Variants in DNAH9 observed in about 807,000 individuals in gnomAD.
DNAH9 encodes the protein DNAH9 variant protein.
A neutral mutation model predicts 471.6 loss-of-function variants in DNAH9; 345 were observed. The observed-to-expected ratio is 0.73, with a 90% CI of 0.67 to 0.80. The LOEUF is 0.80. Among genes scored for constraint, DNAH9 ranks in the 30% least tolerant of loss-of-function variants. The pLI, the probability that DNAH9 is intolerant of heterozygous loss-of-function variation, is 0.00. For synonymous variants in DNAH9, 2,093 were observed against 2,123.6 expected (o/e 0.99, Z 0.40); for missense variants, 5,407 against 5,609.2 (o/e 0.96, Z 1.15).
Position 11,763,542 on chromosome 17 carries a change from T to G in DNAH9, c.7098T>G (p.Pro2366=), listed in dbSNP as rs750761563. Residue 2366 remains proline (P), a synonymous_variant, in exon 36 of 69, where the codon CCT becomes CCG. Coordinates refer to ENST00000262442, the MANE Select transcript of DNAH9 (RefSeq NM_001372.4). The part of the protein sequence containing the change: ...LTTEDIPADC[P]KEIYEHYFVF... ...CGGAGGACATCCCTGCAGACTGCCCTAAGGAAATTTATGAGCATTATTTTG... is the reference window on the plus strand; with the variant it reads ...CGGAGGACATCCCTGCAGACTGCCCGAAGGAAATTTATGAGCATTATTTTG... The G allele has an allele frequency of 6.2e-7, 1 of 1,614,136 alleles. No individual in the cohort carries two copies. Among genetic ancestry groups the G allele is most frequent in the Admixed American group, 1.7e-5 (1 of 60,024 alleles).
chr17:11,599,026 G>T, intron 1 of DNAH9, 111 bp downstream of exon 1: 1 of 935,504 alleles, frequency 1.1e-6, no homozygotes, highest in Non-Finnish European at 1.5e-6. Context: ...TGCAGGGGAG[G>T]TCCAAGAGGC....
chr17:11,826,644 A>G (rs982699820), intron 48 of DNAH9, among the ~76,000 whole-genome samples: 2 of 148,450 alleles, frequency 1.3e-5, no homozygotes, highest in African/African-American at 5.0e-5. Flanking sequence ...TTGTATGTTT[A>G]ATGGAGACGG....
intron 20 of DNAH9, 98 bp downstream of exon 20, chr17:11,690,534 C>A: frequency 8.5e-7 from 1 of 1,183,414 alleles, no homozygotes; most frequent in Non-Finnish European, 1.2e-6. Flanking sequence ...TCCTTTTCTG[C>A]CTCCTTGCTT....
intron 48 of DNAH9, among the ~76,000 whole-genome samples, chr17:11,824,702 A>C (rs1400124012): frequency 6.6e-6 from 1 of 152,164 alleles, no homozygotes; most frequent in Non-Finnish European, 1.5e-5. Context: ...ATTTCCTAAC[A>C]ACCCTTTCGC....
chr17:11,860,217 C>A (rs1041710281), intron 50 of DNAH9, among the ~76,000 whole-genome samples: 2 of 152,196 alleles, frequency 1.3e-5, no homozygotes, highest in Admixed American at 1.3e-4. Context: ...CACCCCCACT[C>A]CCCAGAGTTT....
At chr17:11,816,252 A>C (rs1471707740) in intron 45 of DNAH9, among the ~76,000 whole-genome samples, 1 of 152,044 alleles carries the variant, frequency 6.6e-6, no homozygotes, top group Non-Finnish European at 1.5e-5. Context: ...CCAGAAATAC[A>C]AAAAAAAGAA....
chr17:11,752,952 G>T lies in DNAH9; in HGVS notation c.6730G>T (p.Asp2244Tyr). 6.3e-7 allele frequency: 1 copy of T among 1,586,146 alleles called. No individual in the cohort carries two copies. The highest frequency in any genetic ancestry group is 1.2e-5 in the South Asian group (1 of 86,670). The change falls in exon 33 of 69, where the codon GAT becomes TAT. Residue 2244 changes from aspartate (D) to tyrosine (Y), a missense_variant. Coordinates refer to ENST00000262442, the MANE Select transcript of DNAH9 (RefSeq NM_001372.4). ...WIESLNTVMD[D>Y]NKVLTLASNE... ...TGAATCCCTGAATACTGTCATGGAT[G>T]ATAACAAGGTATGAAATTGGGGGAT...
At chr17:11,933,563 A>G (rs1974591328) in intron 64 of DNAH9, among the ~76,000 whole-genome samples, 1 of 151,742 alleles carries the variant, frequency 6.6e-6, no homozygotes, top group Non-Finnish European at 1.5e-5. Flanking sequence ...TATTTTTAGT[A>G]GCGATGGGGT....
At chr17:11,699,056 C>A (rs2074544758) in intron 22 of DNAH9, among the ~76,000 whole-genome samples, 1 of 152,040 alleles carries the variant, frequency 6.6e-6, no homozygotes, top group Admixed American at 6.6e-5. Context: ...CAAGACCATC[C>A]TGACTAACAT....
chr17:11,738,721 G>A (rs2075389873), intron 28 of DNAH9, among the ~76,000 whole-genome samples, 159 bp from the exon 29 acceptor site: 1 of 152,284 alleles, frequency 6.6e-6, no homozygotes, highest in South Asian at 2.1e-4. Context: ...GGGCCTGTCA[G>A]TAAAGGGTCT....
chr17:11,920,349 A>G (rs1373055254), intron 61 of DNAH9, among the ~76,000 whole-genome samples: 2 of 151,628 alleles, frequency 1.3e-5, no homozygotes, highest in Non-Finnish European at 2.9e-5. Context: ...GGTTGGGCAC[A>G]GTGGCTCATG....
intron 53 of DNAH9, among the ~76,000 whole-genome samples, chr17:11,877,120 T>C (rs1053505557): frequency 2.6e-5 from 4 of 151,816 alleles, no homozygotes; most frequent in Admixed American, 2.6e-4. Context: ...CGGCACACAA[T>C]ATATGTTACA....
intron 50 of DNAH9, among the ~76,000 whole-genome samples, chr17:11,868,367 A>T (rs1972136606): frequency 6.6e-6 from 1 of 152,170 alleles, no homozygotes; most frequent in African/African-American, 2.4e-5. Context: ...CCTGAGATGT[A>T]TTTGGAGGTA....
At position 11,689,694 on chromosome 17, in the gene DNAH9, A is replaced by C; in HGVS notation, c.3872A>C (p.Gln1291Pro). The stretch of plus-strand genomic sequence containing the variant: ...GAAGTCAATGTCCCTGACTATAAGC[A>C]GCTGAGGCAGTGCAGGAAGGAGGTC... Reference protein sequence around the residue: ...LFEVNVPDYKQLRQCRKEVCQ... With the variant: ...LFEVNVPDYKPLRQCRKEVCQ... Residue 1291 changes from glutamine (Q) to proline (P), a missense_variant, in exon 20 of 69, where the codon CAG becomes CCG. Gln to Pro is a moderately conservative substitution (Grantham distance 76). Transcript: ENST00000262442. 6.2e-7 allele frequency: 1 copy of C among 1,614,210 alleles called. No homozygotes were observed.
chr17:11,965,172 C>T (rs958234938), intron 68 of DNAH9, among the ~76,000 whole-genome samples: 6 of 152,320 alleles, frequency 3.9e-5, no homozygotes, highest in African/African-American at 1.4e-4. Context: ...CACCCATCCA[C>T]AGCTGTGGAC....
intron 27 of DNAH9, chr17:11,723,367 T>G (rs2075095351): frequency 6.6e-6 from 1 of 152,232 alleles, no homozygotes; most frequent in African/African-American, 2.4e-5. Context: ...AGCACCCTTC[T>G]CACTTCCAGG....
chr17:11,916,381 G>C (rs1227547071), intron 61 of DNAH9, among the ~76,000 whole-genome samples: 6 of 152,190 alleles, frequency 3.9e-5, no homozygotes, highest in Admixed American at 3.9e-4. Flanking sequence ...TCATCAACTA[G>C]AGATTACTTA....
At chr17:11,646,220 T>C (rs2073387556) in intron 11 of DNAH9, among the ~76,000 whole-genome samples, 1 of 151,782 alleles carries the variant, frequency 6.6e-6, no homozygotes, top group Non-Finnish European at 1.5e-5. Context: ...GGTTTCTCCA[T>C]GTTGGTCAGG....
intron 48 of DNAH9, among the ~76,000 whole-genome samples, chr17:11,833,833 C>T (rs929462215): frequency 1.3e-5 from 2 of 152,196 alleles, no homozygotes; most frequent in Non-Finnish European, 2.9e-5. Flanking sequence ...GACATTCAGT[C>T]TTTCAGGATT....
Sources: allele counts gnomAD v4.1 joint callset (sites outside exome capture counted in the v4.1 genomes callset), GRCh38; gene constraint gnomAD v4.1.1; transcripts MANE v1.5; gene names NCBI Gene and HGNC (gene_info 2026-07-23, HGNC 2026-07-21).